TMEM269: variants seen among roughly 807,000 people sequenced by gnomAD.
The protein encoded by TMEM269 is transmembrane protein 269.
A neutral mutation model predicts 15.8 loss-of-function variants in TMEM269; 12 were observed. The observed-to-expected ratio is 0.76, with a 90% confidence interval of 0.49 to 1.23. The LOEUF is 1.23. Ranked by LOEUF, TMEM269 falls within the 50% of genes most tolerant of loss-of-function variation. The pLI is 0.00. For synonymous variants in TMEM269, 93 were observed against 99.3 expected (o/e 0.94, Z 0.38); for missense variants, 211 against 245.4 (o/e 0.86, Z 0.94).
chr1:42,789,892 A>ACATGGTGCTGGGGCTCTTCTC lies in TMEM269; in HGVS notation c.3_23dup, dbSNP rs1225605437. 1 of 1,550,778 alleles carries ACATGGTGCTGGGGCTCTTCTC rather than the reference A, an allele frequency of 6.4e-7. No individual in the cohort carries two copies. The highest frequency in any genetic ancestry group is 1.2e-5 in the South Asian group (1 of 84,062). ...GTTACCAGTGCCTTATCTCTGGCCA[A>ACATGGTGCTGGGGCTCTTCTC]CATGGTGCTGGGGCTCTTCTCCATC... On this transcript the variant is annotated 5_prime_UTR_variant, in exon 2 of 6. The change creates a new upstream start codon in the 5' untranslated region. Transcript: ENST00000637012.
chr1:42,790,227 A>G (rs1371024535), intron 2 of TMEM269, among the ~76,000 whole-genome samples: 2 of 152,206 alleles, frequency 1.3e-5, no homozygotes, highest in East Asian at 3.8e-4. Flanking sequence ...CTTAGATCAT[A>G]TGACCTGGCA....
intron 1 of TMEM269, chr1:42,789,561 G>C (rs1653643177): frequency 6.8e-7 from 1 of 1,462,742 alleles, no homozygotes; most frequent in Admixed American, 2.0e-5. Flanking sequence ...AACTATGCTT[G>C]TGTTGGTTCA....
rs541582268 is a variant in TMEM269 at position 42,793,575 on chromosome 1, T to G, written c.140-26T>G. On this transcript the variant is annotated intron_variant, in intron 3 of 5. Transcript: ENST00000637012. ...GTGCAAGACGTGGGAGTATAAGTTC[T>G]TCTAACCTTGGGCCGTCTGGGGCAG... 169 of 1,542,108 alleles carry G rather than the reference T, an allele frequency of 1.1e-4. 1 individual carries two copies. In the African/African-American group the frequency reaches 2.0e-3, roughly 19 times the overall value.
In TMEM269 at chr1:42,788,366, A is replaced by G. The variant is rs1220126306; in HGVS notation, c.-98-1430A>G. On this transcript the variant is annotated intron_variant, in intron 1 of 5. Transcript: ENST00000637012. This position sits in a 1 kb window ranked among gnomAD's most constrained non-coding sequence, Gnocchi z 4.0. ...TTTATTTCACTCAAGTGCAGGATCT[A>G]TTTGTGGCTGGTACATTTGCCCCAA... is the stretch of plus-strand genomic sequence containing the variant. Among the ~76,000 whole-genome samples the G allele has an allele frequency of 6.6e-6, 1 of 152,172 alleles. No individual in the cohort carries two copies. The highest frequency in any genetic ancestry group is 1.5e-5 in the Non-Finnish European group (1 of 68,028).
At position 42,798,486 on chromosome 1, in the gene TMEM269, T is replaced by C. The variant is rs2124226480; in HGVS notation, c.*261T>C. 5 of 417,432 alleles carry C rather than the reference T, an allele frequency of 1.2e-5. No homozygotes were observed. Among genetic ancestry groups the C allele is most frequent in the Non-Finnish European group, 2.2e-5 (5 of 228,684 alleles). The allele number at this position is 417,432 out of a possible 1,614,324, so 25.9% of individuals were successfully genotyped here. ...GAATATCCCCCCGCCTCAAGCTCAATGTGGGCTGGGTTTGGGTTCCAGCTC... is the reference window on the plus strand; with the variant it reads ...GAATATCCCCCCGCCTCAAGCTCAACGTGGGCTGGGTTTGGGTTCCAGCTC... On this transcript the variant is annotated 3_prime_UTR_variant, in exon 6 of 6. Coordinates refer to ENST00000637012, the MANE Select transcript of TMEM269 (RefSeq NM_001354602.2).
chr1:42,798,843 A>C lies in TMEM269; in HGVS notation c.*618A>C, dbSNP rs979916801. ...CTGCAGGCTCCGCCCCCCGGGATTC[A>C]CGCCATTCTCCTGCCTCAGCCTCCC... On this transcript the variant is annotated 3_prime_UTR_variant, in exon 6 of 6. Transcript: ENST00000637012. 3 of 140,240 alleles carry C rather than the reference A, an allele frequency of 2.1e-5. No homozygotes were observed. Among genetic ancestry groups the C allele is most frequent in the Non-Finnish European group, 4.5e-5 (3 of 66,898 alleles). The allele number at this position is 140,240 out of a possible 1,614,324, so 8.7% of individuals were successfully genotyped here.
At chr1:42,789,449 A>C in intron 1 of TMEM269, 1 of 1,535,504 alleles carries the variant, frequency 6.5e-7, no homozygotes, top group Non-Finnish European at 8.7e-7. Context: ...GAAGGGCCCC[A>C]TACCCCCTGC....
rs559612559 is a variant in TMEM269, at chr1:42,797,807, G to GATTGT, written c.485-291_485-290insATTGT. 464 of 563,788 alleles carry GATTGT rather than the reference G, an allele frequency of 8.2e-4. 1 individual carries two copies. The highest frequency in any genetic ancestry group is 7.8e-3 in the African/African-American group (419 of 53,542). 34.9% of individuals were successfully genotyped at this position (563,788 alleles called of 1,614,324 possible). A position where few individuals can be genotyped will look rare whatever the true frequency, so the allele number is the denominator to read the frequency against. ...ACAAGGGTTTTTGGTTTTTGTCTTG[G>GATTGT]TTTGTTTTGTTTTCCCTAACAAAGG... On this transcript the variant is annotated intron_variant, in intron 5 of 5. Coordinates refer to ENST00000637012, the MANE Select transcript of TMEM269 (RefSeq NM_001354602.2). The surrounding 1 kb of genome is among the most constrained non-coding windows in gnomAD (Gnocchi z 4.9).
chr1:42,791,933 C>T (rs1251647381), intron 2 of TMEM269, among the ~76,000 whole-genome samples: 4 of 152,026 alleles, frequency 2.6e-5, no homozygotes, highest in African/African-American at 7.2e-5. Flanking sequence ...ACCTGGGAGG[C>T]GGAGGTTGCA....
chr1:42,798,381 G>A lies in TMEM269; in HGVS notation c.*156G>A, dbSNP rs1458611213. ...CATGAAGTTAGAAACCCAAAGCAGG[G>A]TCAGTGAACTTCACTTCTTTGTCTT... On this transcript the variant is annotated 3_prime_UTR_variant, in exon 6 of 6. Transcript: ENST00000637012. The A allele has an allele frequency of 1.1e-6, 1 of 919,668 alleles. No homozygotes were observed. The highest frequency in any genetic ancestry group is 1.6e-6 in the Non-Finnish European group (1 of 630,042). The allele number at this position is 919,668 out of a possible 1,614,324, so 57.0% of individuals were successfully genotyped here.
At chr1:42,798,022 G>GA in intron 5 of TMEM269, 76 bp from the exon 6 acceptor site, 1 of 1,494,982 alleles carries the variant, frequency 6.7e-7, no homozygotes, top group Non-Finnish European at 9.1e-7. Flanking sequence ...GGAGGGTGGG[G>GA]ACGGGAGAGT....
intron 1 of TMEM269, among the ~76,000 whole-genome samples, chr1:42,785,454 C>T (rs557711746): frequency 6.7e-6 from 1 of 149,328 alleles, no homozygotes; most frequent in Non-Finnish European, 1.5e-5. Flanking sequence ...ACTCTCGTCT[C>T]CTCTGCAGCA....
intron 2 of TMEM269, among the ~76,000 whole-genome samples, chr1:42,792,555 C>T (rs969560895): frequency 2.0e-5 from 3 of 151,956 alleles, no homozygotes; most frequent in Admixed American, 6.6e-5. Flanking sequence ...TTTGGGGCAC[C>T]CCTTTAAGAC....
At chr1:42,789,519 T>C in intron 1 of TMEM269, 1 of 1,532,594 alleles carries the variant, frequency 6.5e-7, no homozygotes, top group Non-Finnish European at 8.7e-7. Context: ...GTCTGTGCTG[T>C]GGGGCAAAGG....
chr1:42,794,228 G>A lies in TMEM269; in HGVS notation c.284-185G>A, dbSNP rs545445400. On this transcript the variant is annotated intron_variant, in intron 4 of 5. Transcript: ENST00000637012. ...CCTAGCTGGCTGCCTGCTTTCCCTT[G>A]GAAAACCAATGTAAAACCCATGCAT... 5.9e-5 allele frequency among the ~76,000 whole-genome samples: 9 copies of A among 152,212 alleles called. No individual in the cohort carries two copies. In the East Asian group the frequency reaches 1.7e-3, roughly 29 times the overall value.
At chr1:42,787,659 C>G (rs1405279407) in intron 1 of TMEM269, among the ~76,000 whole-genome samples, 1 of 144,626 alleles carries the variant, frequency 6.9e-6, no homozygotes, top group Admixed American at 6.9e-5. Flanking sequence ...ACAGAGCTCA[C>G]AGGGCCAATG....
At chr1:42,792,719 T>C (rs193200553) in intron 2 of TMEM269, 86 bp from the exon 3 acceptor site, 7 of 778,722 alleles carry the variant, frequency 9.0e-6, no homozygotes, top group Admixed American at 8.0e-5. Context: ...TAGTGTATAC[T>C]AATATACTAA....
chr1:42,785,411 G>C (rs1027100799), intron 1 of TMEM269, among the ~76,000 whole-genome samples: 25 of 152,264 alleles, frequency 1.6e-4, no homozygotes, highest in Non-Finnish European at 2.2e-4. Context: ...GCGCCGCCCC[G>C]CCACTCAGTT....
At chr1:42,789,245 G>T (rs929429955) in intron 1 of TMEM269, 3 of 589,192 alleles carry the variant, frequency 5.1e-6, no homozygotes, top group Non-Finnish European at 9.1e-6. Flanking sequence ...TTAATCTGCC[G>T]TCTCTTTCCT....
Sources: allele counts gnomAD v4.1 joint callset (sites outside exome capture counted in the v4.1 genomes callset), GRCh38; gene constraint gnomAD v4.1.1; non-coding constraint Gnocchi (gnomAD v3.1); transcripts MANE v1.5; gene names NCBI Gene and HGNC (gene_info 2026-07-23, HGNC 2026-07-21).